The following ZNF486 variants were observed in gnomAD, a reference collection of about 807,000 sequenced individuals.
The protein encoded by ZNF486 is KRAB box only protein 2.
Under a neutral mutation model 12.8 loss-of-function variants are expected in ZNF486, and 12 were observed. The observed-to-expected ratio is 0.94, with a 90% CI of 0.60 to 1.52. The LOEUF (loss-of-function observed/expected upper bound fraction) is 1.52, where lower values mean the gene tolerates loss of function less well. Ranked by LOEUF, ZNF486 falls within the 40% of genes most tolerant of loss-of-function variation. ZNF486 has a pLI of 0.00. For missense variants in ZNF486, 738 were observed against 545.0 expected, an observed-to-expected ratio of 1.35 and a Z score of -3.53; for synonymous variants, 231 against 184.9, an observed-to-expected ratio of 1.25 and a Z score of -2.02.
At chr19:20,180,271 G>T (rs2089770109) in intron 1 of ZNF486, among the ~76,000 whole-genome samples, 1 of 152,182 alleles carries the variant, frequency 6.6e-6, no homozygotes, top group East Asian at 1.9e-4. Flanking sequence ...ACCCAGATCA[G>T]AGTTTCTCCA....
rs147315251 is a variant in ZNF486, at chr19:20,169,735, A to G, written c.30+2375A>G. On this transcript the variant is annotated intron_variant, in intron 1 of 3. Transcript: ENST00000335117. ...TGTGGCTTGCAAAAATGTAGGCAGAAAAGGGCTTTTTTCCTAGGGAGGAGC... is the reference window on the plus strand; with the variant it reads ...TGTGGCTTGCAAAAATGTAGGCAGAGAAGGGCTTTTTTCCTAGGGAGGAGC... 4.6e-3 allele frequency among the ~76,000 whole-genome samples: 694 copies of G among 152,126 alleles called. 6 individuals are homozygous for G. The highest frequency in any genetic ancestry group is 0.016 in the African/African-American group (652 of 41,494).
At chr19:20,186,964 T>G (rs1305673028) in intron 3 of ZNF486, among the ~76,000 whole-genome samples, 1 of 151,482 alleles carries the variant, frequency 6.6e-6, no homozygotes, top group East Asian at 1.9e-4. Flanking sequence ...TTTTGTATTT[T>G]TTGTAGAGAG....
intron 1 of ZNF486, among the ~76,000 whole-genome samples, chr19:20,181,745 C>T (rs1236877350): frequency 6.7e-6 from 1 of 150,018 alleles, no homozygotes; most frequent in Non-Finnish European, 1.5e-5. Context: ...TTATTCCTTT[C>T]TATCTCTTTC....
chr19:20,189,969 A>G (rs1361785514), intron 3 of ZNF486, among the ~76,000 whole-genome samples: 3 of 152,080 alleles, frequency 2.0e-5, no homozygotes, highest in Admixed American at 2.0e-4. Context: ...TTTGTTTAAA[A>G]TATATTTTTG....
intron 3 of ZNF486, among the ~76,000 whole-genome samples, chr19:20,191,268 G>A (rs917502082): frequency 1.3e-4 from 19 of 151,808 alleles, no homozygotes; most frequent in African/African-American, 4.1e-4. Context: ...TCAGGAGATC[G>A]AGACCATCCT....
intron 1 of ZNF486, chr19:20,176,509 C>T (rs972562863): frequency 2.4e-5 from 5 of 208,386 alleles, no homozygotes; most frequent in South Asian, 6.3e-5. Flanking sequence ...GCTGAGATCA[C>T]GCCACTGCAC....
At chr19:20,172,465 T>G (rs1350223426) in intron 1 of ZNF486, among the ~76,000 whole-genome samples, 1 of 150,812 alleles carries the variant, frequency 6.6e-6, no homozygotes, top group Non-Finnish European at 1.5e-5. Flanking sequence ...TCCCAGCTAA[T>G]TTTTTGTACT....
At position 20,173,856 on chromosome 19, in the gene ZNF486, A is replaced by T. The variant is rs1039281114; in HGVS notation, c.30+6496A>T. Among the ~76,000 whole-genome samples, 8 of 151,954 alleles carry T rather than the reference A, an allele frequency of 5.3e-5. No homozygotes were observed. The East Asian group carries it at 5.8e-4, about 11-fold the overall frequency. ...CAAAAAAAAAAAAACTTCCAAAAAA[A>T]TTTTTGCCATTGTCTCATTTCTTAA... is the stretch of plus-strand genomic sequence containing the variant. On this transcript the variant is annotated intron_variant, in intron 1 of 3. Coordinates refer to ENST00000335117, the MANE Select transcript of ZNF486 (RefSeq NM_052852.4).
chr19:20,197,481 G>T lies in ZNF486; in HGVS notation c.771G>T (p.Lys257Asn), dbSNP rs1555718225. Residue 257 changes from lysine to asparagine, a missense_variant, in exon 4 of 4, where the codon AAG (lysine) becomes AAT (asparagine). Lys to Asn is a moderately conservative substitution (Grantham distance 94). Coordinates refer to ENST00000335117, the MANE Select transcript of ZNF486 (RefSeq NM_052852.4). The stretch of plus-strand genomic sequence containing the variant: ...ACTTCTCTAGCTTTACTACACATAA[G>T]AAAATTCATAGTGGAGAGAAACCCT... ...FKYFSSFTTH[K>N]KIHSGEKPYI... is the part of the protein sequence containing the mutation. The T allele has an allele frequency of 6.2e-7, 1 of 1,608,856 alleles. No individual in the cohort carries two copies. The highest frequency in any genetic ancestry group is 1.7e-5 in the Admixed American group (1 of 59,566).
intron 3 of ZNF486, among the ~76,000 whole-genome samples, chr19:20,195,068 C>T (rs868981363): frequency 8.6e-5 from 13 of 151,982 alleles, no homozygotes; most frequent in South Asian, 2.1e-4. Context: ...AGTGCAGTGG[C>T]GTGTTCTCAG....
At chr19:20,176,223 C>T (rs185399253) in intron 1 of ZNF486, 14 of 185,672 alleles carry the variant, frequency 7.5e-5, no homozygotes, top group African/African-American at 1.0e-4. Flanking sequence ...ACATCTCATA[C>T]GATGGGCGGC....
intron 3 of ZNF486, chr19:20,188,772 C>A: frequency 3.8e-6 from 1 of 262,342 alleles, no homozygotes; most frequent in Non-Finnish European, 7.1e-6. Context: ...AACAACTGCT[C>A]ATTTTACCCT....
chr19:20,187,819 C>A (rs1362132858), intron 3 of ZNF486, among the ~76,000 whole-genome samples: 1 of 151,982 alleles, frequency 6.6e-6, no homozygotes, highest in Non-Finnish European at 1.5e-5. Context: ...TTTTTATAAA[C>A]TGATTTTAGA....
At chr19:20,170,867 C>T (rs2089640905) in intron 1 of ZNF486, among the ~76,000 whole-genome samples, 1 of 152,084 alleles carries the variant, frequency 6.6e-6, no homozygotes, top group South Asian at 2.1e-4. Flanking sequence ...TGGGCTGCAT[C>T]TTATATATTA....
intron 3 of ZNF486, among the ~76,000 whole-genome samples, chr19:20,195,948 G>A (rs572327137): frequency 2.0e-5 from 3 of 152,240 alleles, no homozygotes; most frequent in South Asian, 4.1e-4. Flanking sequence ...AAAGCCCCTA[G>A]AAGACAAATA....
chr19:20,168,377 A>G (rs836890), intron 1 of ZNF486, among the ~76,000 whole-genome samples: 50,666 of 148,964 alleles, frequency 0.34, 13,105 homozygotes, highest in African/African-American at 0.71. Flanking sequence ...AAGAAGGGCC[A>G]GGCGCAGTGG....
chr19:20,194,673 A>C (rs1443454725), intron 3 of ZNF486, among the ~76,000 whole-genome samples: 1 of 152,162 alleles, frequency 6.6e-6, no homozygotes, highest in African/African-American at 2.4e-5. Flanking sequence ...GGTTGCAGTG[A>C]GCCAAGATTG....
chr19:20,197,587 C>A lies in ZNF486; in HGVS notation c.877C>A (p.Pro293Thr), dbSNP rs781823400. 1.2e-6 allele frequency: 2 copies of A among 1,613,666 alleles called. No individual in the cohort carries two copies. The highest frequency in any genetic ancestry group is 3.3e-5 in the Admixed American group (2 of 59,974). Residue 293 changes from proline to threonine, a missense_variant, in exon 4 of 4, where the codon CCC becomes ACC. Coordinates refer to ENST00000335117, the MANE Select transcript of ZNF486 (RefSeq NM_052852.4). ...TAAGATAATCCATACTGGAGAGCAA[C>A]CCTACAAATGTAAAGAATGTGACAA... The part of the protein sequence containing the change: ...THKIIHTGEQ[P>T]YKCKECDKAF...
chr19:20,198,400 G>A lies in ZNF486; in HGVS notation c.*298G>A. The A allele has an allele frequency of 3.1e-6, 1 of 326,064 alleles. No individual in the cohort carries two copies. The highest frequency in any genetic ancestry group is 5.6e-6 in the Non-Finnish European group (1 of 177,630). The allele number at this position is 326,064 out of a possible 1,614,324, so 20.2% of individuals were successfully genotyped here. A position where few individuals can be genotyped will look rare whatever the true frequency, so the allele number is the denominator to read the frequency against. ...TTACAGGCATGAGCCACTGTGCCTG[G>A]CTGACAAAGCTTTTTAAGGAAGTTC... On this transcript the variant is annotated 3_prime_UTR_variant, in exon 4 of 4. Transcript: ENST00000335117.
Sources: gnomAD v4.1 joint callset for allele counts (sites outside exome capture counted in the v4.1 genomes callset) on GRCh38, gnomAD v4.1.1 for gene constraint, MANE v1.5 for transcripts, NCBI Gene and HGNC (gene_info 2026-07-23, HGNC 2026-07-21) for gene names.